AFF2: variants seen among roughly 807,000 people sequenced by gnomAD.
The protein encoded by AFF2 is ALF transcription elongation factor 2, also known as AF4/FMR2 family member 2.
In AFF2, 14 loss-of-function variants were observed where a neutral mutation model predicts 76.9. The ratio of observed to expected loss-of-function variants is 0.18; its 90% confidence interval spans 0.12 to 0.28. The LOEUF is 0.28. Among genes scored for constraint, AFF2 ranks in the 10% least tolerant of loss-of-function variants. AFF2 has a pLI of 1.00. For missense variants in AFF2, 868 were observed against 1,001.1 expected (o/e 0.87, Z 1.79); for synonymous variants, 398 against 366.7 (o/e 1.09, Z -0.98).
intron 4 of AFF2, among the ~76,000 whole-genome samples, chrX:148,813,542 A>C (rs1290906492): frequency 1.8e-5 from 2 of 112,281 alleles, no homozygotes; most frequent in African/African-American, 6.5e-5. Context: ...GTTCATAAGC[A>C]CATTATGTCT....
intron 7 of AFF2, among the ~76,000 whole-genome samples, chrX:148,868,376 G>T (rs1243735216): frequency 8.9e-6 from 1 of 111,978 alleles, no homozygotes; most frequent in East Asian, 2.8e-4. Flanking sequence ...CTAATTAGGG[G>T]AATTGCCTGG....
At chrX:148,925,343 G>A (rs1454698502) in intron 9 of AFF2, among the ~76,000 whole-genome samples, 3 of 112,668 alleles carry the variant, frequency 2.7e-5, no homozygotes, top group Non-Finnish European at 5.6e-5. Context: ...AGAGTTAGTG[G>A]CTAGAACACA....
intron 3 of AFF2, among the ~76,000 whole-genome samples, chrX:148,678,681 C>T (rs1011895859): frequency 1.8e-5 from 2 of 111,864 alleles, no homozygotes; most frequent in African/African-American, 6.5e-5. Context: ...CCCAAAGATA[C>T]ATATAAAAGT....
intron 8 of AFF2, among the ~76,000 whole-genome samples, chrX:148,891,833 G>A (rs1351622439): frequency 9.0e-6 from 1 of 111,698 alleles, no homozygotes; most frequent in Admixed American, 9.5e-5. Flanking sequence ...AAAGAGATGG[G>A]TCTTGTTAGA....
At chrX:148,680,243 C>T (rs1253731127) in intron 3 of AFF2, among the ~76,000 whole-genome samples, 4 of 112,166 alleles carry the variant, frequency 3.6e-5, no homozygotes, top group African/African-American at 1.3e-4. Context: ...AGAATAGGTG[C>T]TCATTAAATA....
chrX:148,801,088 A>G (rs1373663581), intron 3 of AFF2, among the ~76,000 whole-genome samples: 1 of 111,682 alleles, frequency 9.0e-6, no homozygotes, highest in East Asian at 2.8e-4. Flanking sequence ...ATATTACAGG[A>G]GTCACTACGG....
intron 19 of AFF2, among the ~76,000 whole-genome samples, chrX:148,981,752 TG>T (rs1475196859): frequency 7.1e-5 from 8 of 112,426 alleles, no homozygotes; most frequent in Non-Finnish European, 1.3e-4. Context: ...CCTGCATCTC[TG>T]ATCAAAATAA....
At chrX:148,913,054 C>G (rs1475919165) in intron 9 of AFF2, among the ~76,000 whole-genome samples, 1 of 113,044 alleles carries the variant, frequency 8.8e-6, no homozygotes, top group African/African-American at 3.2e-5. Flanking sequence ...TAATGTTGTT[C>G]AGATAGACAC....
At chrX:148,734,401 T>C (rs2055262004) in intron 3 of AFF2, among the ~76,000 whole-genome samples, 1 of 111,905 alleles carries the variant, frequency 8.9e-6, no homozygotes, top group South Asian at 3.7e-4. Flanking sequence ...ACTATGAAGC[T>C]AGTATTGTAT....
At chrX:148,581,145 A>G (rs1265995447) in intron 1 of AFF2, among the ~76,000 whole-genome samples, 1 of 75,032 alleles carries the variant, frequency 1.3e-5, no homozygotes, top group African/African-American at 4.1e-5. Flanking sequence ...GTATACACAC[A>G]TATACATATA....
At chrX:148,897,260 TATATATATATATGTATATGAAAA>T (rs2071300950) in intron 8 of AFF2, among the ~76,000 whole-genome samples, 1 of 42,016 alleles carries the variant, frequency 2.4e-5, no homozygotes, top group Non-Finnish European at 4.0e-5. Flanking sequence ...TATATATATA[TATATATATATATGTATATGAAAA>T]ATATATATAT....
rs186483660 is a variant in AFF2, at chrX:148,635,155, G to C, written c.48-16844G>C. On this transcript the variant is annotated intron_variant, in intron 1 of 20. Coordinates refer to ENST00000370460, the MANE Select transcript of AFF2 (RefSeq NM_002025.4). ...GTGATTAAGTTAAGAATCTCTGGCTGGGGAGATTATCCTGGATTATCGTGG... is the reference window on the plus strand; with the variant it reads ...GTGATTAAGTTAAGAATCTCTGGCTCGGGAGATTATCCTGGATTATCGTGG... Among the ~76,000 whole-genome samples the C allele has an allele frequency of 8.7e-4, 97 of 111,511 alleles. 1 individual carries two copies. Among genetic ancestry groups the C allele is most frequent in the African/African-American group, 3.1e-3 (94 of 30,660 alleles).
intron 3 of AFF2, among the ~76,000 whole-genome samples, chrX:148,735,487 T>C (rs2055274157): frequency 8.9e-6 from 1 of 112,105 alleles, no homozygotes; most frequent in Non-Finnish European, 1.9e-5. Context: ...TAAAATTTGT[T>C]TTTCTAGTAC....
intron 7 of AFF2, among the ~76,000 whole-genome samples, chrX:148,846,173 G>T (rs1263187750): frequency 2.7e-5 from 3 of 111,746 alleles, no homozygotes; most frequent in Admixed American, 9.5e-5. Flanking sequence ...TCAGTATAGT[G>T]CATTGGCATA....
intron 1 of AFF2, among the ~76,000 whole-genome samples, chrX:148,611,361 A>T (rs2053730420): frequency 8.9e-6 from 1 of 112,400 alleles, no homozygotes; most frequent in Non-Finnish European, 1.9e-5. Flanking sequence ...GTTTGTGAAG[A>T]TGAGAAATGT....
At chrX:148,960,081 A>G (rs908640496) in intron 12 of AFF2, among the ~76,000 whole-genome samples, 3 of 113,010 alleles carry the variant, frequency 2.7e-5, no homozygotes, top group African/African-American at 9.6e-5. Flanking sequence ...GTCCACCCCC[A>G]GCTGAGGTCT....
At chrX:148,798,923 T>C (rs1211305274) in intron 3 of AFF2, among the ~76,000 whole-genome samples, 8 of 111,677 alleles carry the variant, frequency 7.2e-5, no homozygotes, top group African/African-American at 2.3e-4. Context: ...GGTCAGTTTT[T>C]GCAGAGTGAT....
chrX:148,998,960 C>A lies in AFF2; in HGVS notation c.*7628C>A, dbSNP rs1557293787. On this transcript the variant is annotated 3_prime_UTR_variant, in exon 21 of 21. Coordinates refer to ENST00000370460, the MANE Select transcript of AFF2 (RefSeq NM_002025.4). ...AGTCTTTGATAAATCTGCATTAGAC[C>A]AGGCTATATGCTAGGAATGAAATCT... 2 of 110,156 alleles carry A rather than the reference C, an allele frequency of 1.8e-5. No homozygotes were observed. Among genetic ancestry groups the A allele is most frequent in the African/African-American group, 3.3e-5 (1 of 30,191 alleles). The allele number at this position is 110,156 out of a possible 1,213,427, so 9.1% of individuals were successfully genotyped here.
At chrX:148,858,095 G>A (rs1181013209) in intron 7 of AFF2, among the ~76,000 whole-genome samples, 2 of 111,215 alleles carry the variant, frequency 1.8e-5, no homozygotes, top group Non-Finnish European at 3.8e-5. Context: ...ACGTAAATGG[G>A]ATACATGAGG....
Sources: allele counts gnomAD v4.1 joint callset (sites outside exome capture counted in the v4.1 genomes callset), GRCh38; gene constraint gnomAD v4.1.1; transcripts MANE v1.5; gene names NCBI Gene and HGNC (gene_info 2026-07-23, HGNC 2026-07-21).